The following PCDH7 variants were observed in gnomAD, a reference collection of about 807,000 sequenced individuals.
PCDH7 encodes the protein protocadherin 7, also known as protocadherin-7.
A neutral mutation model predicts 58.9 loss-of-function variants in PCDH7; 17 were observed. The ratio of observed to expected loss-of-function variants is 0.29; its 90% CI spans 0.20 to 0.43. The LOEUF is 0.43. Ranked by LOEUF, PCDH7 falls within the 20% of genes least tolerant of loss-of-function variation. The pLI is 1.00. For missense variants in PCDH7, 1,274 were observed against 1,441.0 expected (o/e 0.88, Z 1.88); for synonymous variants, 664 against 616.4 (o/e 1.08, Z -1.14).
chr4:30,894,512 TATATACACACACACACACAC>T (rs1251016407), intron 1 of PCDH7, among the ~76,000 whole-genome samples: 3 of 50,342 alleles, frequency 6.0e-5, no homozygotes, highest in African/African-American at 2.4e-4. Flanking sequence ...TATATATATA[TATATACACACACACACACAC>T]ACACACACAC....
At chr4:30,727,323 G>C (rs934666089) in intron 1 of PCDH7, among the ~76,000 whole-genome samples, 3 of 151,752 alleles carry the variant, frequency 2.0e-5, no homozygotes, top group African/African-American at 7.3e-5. Context: ...ATTATAATAG[G>C]TTAAACAGCT....
chr4:30,816,960 C>A (rs142226411), intron 1 of PCDH7, among the ~76,000 whole-genome samples: 1 of 152,084 alleles, frequency 6.6e-6, no homozygotes, highest in African/African-American at 2.4e-5. Context: ...TCTATTCTTG[C>A]ATCACTTTGC....
At chr4:30,773,958 C>T (rs1451997541) in intron 1 of PCDH7, among the ~76,000 whole-genome samples, 1 of 152,076 alleles carries the variant, frequency 6.6e-6, no homozygotes, top group Non-Finnish European at 1.5e-5. Flanking sequence ...TCCCATATTC[C>T]ATTTAGTGGG....
intron 1 of PCDH7, among the ~76,000 whole-genome samples, chr4:30,765,951 A>G (rs1720685301): frequency 6.6e-6 from 1 of 152,066 alleles, no homozygotes; most frequent in Admixed American, 6.5e-5. Context: ...TAACCTGCAT[A>G]TTTATAATTG....
rs368620861 is a variant in PCDH7, at chr4:30,850,413, G to T, written c.71-69740G>T. 4.1e-4 allele frequency among the ~76,000 whole-genome samples: 63 copies of T among 152,164 alleles called. 1 individual carries two copies. The South Asian group carries it at 0.013, about 32-fold the overall frequency. On this transcript the variant is annotated intron_variant, in intron 1 of 3. Transcript: ENST00000509759. ...ACCAAGCCATAGACTATTTGTGCTA[G>T]AAATAGCTTTAGGGATAATTTGGTT...
At chr4:30,758,449 T>C (rs1719596118) in intron 1 of PCDH7, among the ~76,000 whole-genome samples, 1 of 152,212 alleles carries the variant, frequency 6.6e-6, no homozygotes, top group Admixed American at 6.5e-5. Flanking sequence ...ATTTAAAACA[T>C]TTATCTTACA....
intron 1 of PCDH7, chr4:30,786,663 C>T (rs1435103605): frequency 3.7e-6 from 2 of 541,066 alleles, no homozygotes; most frequent in Non-Finnish European, 4.7e-6. Context: ...AGCTTTGGAA[C>T]TAGGCTGGCA....
intron 3 of PCDH7, among the ~76,000 whole-genome samples, chr4:31,033,170 A>G (rs1453210198): frequency 6.6e-6 from 1 of 151,934 alleles, no homozygotes; most frequent in Non-Finnish European, 1.5e-5. Flanking sequence ...TTAAAGCTTC[A>G]TGTAAAGCCA....
chr4:31,012,277 T>G (rs1347963070), intron 3 of PCDH7, among the ~76,000 whole-genome samples: 3 of 152,140 alleles, frequency 2.0e-5, no homozygotes, highest in Non-Finnish European at 4.4e-5. Context: ...CAAACTTCCT[T>G]TCAAGGTTAT....
At chr4:30,844,783 A>T (rs537446113) in intron 1 of PCDH7, among the ~76,000 whole-genome samples, 7 of 152,282 alleles carry the variant, frequency 4.6e-5, no homozygotes, top group Non-Finnish European at 8.8e-5. Flanking sequence ...AAGAGAGCAG[A>T]TTAATGTATG....
At chr4:30,856,787 A>G (rs1200941662) in intron 1 of PCDH7, among the ~76,000 whole-genome samples, 1 of 151,796 alleles carries the variant, frequency 6.6e-6, no homozygotes, top group Non-Finnish European at 1.5e-5. Context: ...ACAGAGGTGT[A>G]CATATATGCA....
chr4:31,112,857 G>C (rs1716494650), intron 3 of PCDH7, among the ~76,000 whole-genome samples: 1 of 152,120 alleles, frequency 6.6e-6, no homozygotes, highest in African/African-American at 2.4e-5. Flanking sequence ...CTTTTGAAAA[G>C]AGCATAGAGT....
chr4:31,126,206 C>T (rs1680027334), intron 3 of PCDH7, among the ~76,000 whole-genome samples: 1 of 151,300 alleles, frequency 6.6e-6, no homozygotes, highest in Admixed American at 6.6e-5. Flanking sequence ...TCACTGCAAC[C>T]TCTGCCTCCT....
intron 1 of PCDH7, among the ~76,000 whole-genome samples, chr4:30,799,536 A>T (rs892290919): frequency 5.9e-5 from 9 of 152,210 alleles, no homozygotes; most frequent in Non-Finnish European, 1.5e-5. Context: ...ACAAAATCCC[A>T]TATCAATCAC....
intron 2 of PCDH7, among the ~76,000 whole-genome samples, chr4:30,932,653 A>T (rs1345298276): frequency 6.6e-6 from 1 of 152,172 alleles, no homozygotes; most frequent in Non-Finnish European, 1.5e-5. Context: ...TTGTCCTGGA[A>T]CATTAAATAG....
chr4:31,002,375 C>T (rs1752425949), intron 3 of PCDH7, among the ~76,000 whole-genome samples: 1 of 152,178 alleles, frequency 6.6e-6, no homozygotes, highest in African/African-American at 2.4e-5. Context: ...ATTTAATAGC[C>T]CAGCAGTTTC....
intron 1 of PCDH7, among the ~76,000 whole-genome samples, chr4:30,836,443 T>C (rs1730494176): frequency 6.6e-6 from 1 of 152,168 alleles, no homozygotes; most frequent in African/African-American, 2.4e-5. Flanking sequence ...AAACATAGTT[T>C]AAAATAAAGC....
intron 3 of PCDH7, among the ~76,000 whole-genome samples, chr4:30,952,927 A>C (rs1343489885): frequency 2.0e-5 from 3 of 152,196 alleles, no homozygotes. Context: ...CTCTACCAAG[A>C]TACTCATAAC....
Position 30,723,426 on chromosome 4 carries a change from G to C in PCDH7, c.2004G>C (p.Lys668Asn). ...TGGTCACCGTGATGGATGCTGACAA[G>C]GGGCGGAATGCAGAGATGAGCCTGT... The change falls in exon 1 of 2, where the codon AAG becomes AAC. Residue 668 changes from lysine to asparagine, a missense_variant. Lys to Asn is a moderately conservative substitution (Grantham distance 94). This residue lies in a region of PCDH7 where 731 missense variants were observed against 881.9 expected (regional missense o/e 0.83). Coordinates refer to ENST00000361762, the Ensembl canonical transcript of PCDH7. This position sits in a 1 kb window ranked among gnomAD's most constrained non-coding sequence, Gnocchi z 4.6. 1.2e-6 allele frequency: 2 copies of C among 1,614,200 alleles called. No individual in the cohort carries two copies. Among genetic ancestry groups the C allele is most frequent in the East Asian group, 4.5e-5 (2 of 44,870 alleles).
Sources: gnomAD v4.1 joint callset for allele counts (sites outside exome capture counted in the v4.1 genomes callset) on GRCh38, gnomAD v4.1.1 for gene constraint, gnomAD v4.1.1 regional missense constraint, Gnocchi (gnomAD v3.1) non-coding constraint, MANE v1.5 for transcripts, NCBI Gene and HGNC (gene_info 2026-07-23, HGNC 2026-07-21) for gene names.